The following CSE1L variants were observed in gnomAD, a reference collection of about 807,000 sequenced individuals.
CSE1L encodes exportin-2.
In CSE1L, 24 loss-of-function variants were observed where a neutral mutation model predicts 120.4. The observed-to-expected ratio is 0.20, with a 90% confidence interval of 0.14 to 0.28. The LOEUF is 0.28. Ranked by LOEUF, CSE1L falls within the 10% of genes least tolerant of loss-of-function variation. The pLI is 1.00. For missense variants in CSE1L, 830 were observed against 1,145.2 expected, an observed-to-expected ratio of 0.72 and a Z score of 3.97; for synonymous variants, 402 against 398.3, an observed-to-expected ratio of 1.01 and a Z score of -0.11.
At chr20:49,058,668 T>C in intron 2 of CSE1L, 120 bp downstream of exon 2, 1 of 714,934 alleles carries the variant, frequency 1.4e-6, no homozygotes, top group Non-Finnish European at 2.3e-6. Context: ...TTCTCAAGCG[T>C]AGTTTATAAG....
intron 1 of CSE1L, among the ~76,000 whole-genome samples, chr20:49,049,726 G>A (rs1194161015): frequency 1.3e-5 from 2 of 152,152 alleles, no homozygotes; most frequent in African/African-American, 4.8e-5. Flanking sequence ...TCTGCAAGGC[G>A]ATATAAAAAG....
At chr20:49,072,493 C>T (rs2091940088) in intron 9 of CSE1L, 40 bp downstream of exon 9, 6 of 1,607,812 alleles carry the variant, frequency 3.7e-6, no homozygotes, top group African/African-American at 1.3e-5. Flanking sequence ...AAGACATTCT[C>T]TCCCTATCTC....
chr20:49,092,637 C>G (rs1482186236), intron 22 of CSE1L, among the ~76,000 whole-genome samples: 1 of 151,658 alleles, frequency 6.6e-6, no homozygotes, highest in Non-Finnish European at 1.5e-5. Flanking sequence ...GAACATCACA[C>G]TCTGGGGCCT....
At position 49,063,329 on chromosome 20, in the gene CSE1L, A is replaced by G; in HGVS notation, c.213A>G (p.Lys71=). Reference sequence around the variant, plus strand: ...CAGTAACATTCAAAAACTATATTAAAAGGAACTGGAGAATTGTAAGTATTT... The same window carrying G: ...CAGTAACATTCAAAAACTATATTAAGAGGAACTGGAGAATTGTAAGTATTT... ...CASVTFKNYI[K]RNWRIVEDEP... Residue 71 remains lysine, a synonymous_variant, in exon 3 of 25, where the codon AAA becomes AAG. Transcript: ENST00000262982. 6.7e-7 allele frequency: 1 copy of G among 1,499,114 alleles called. No individual in the cohort carries two copies. Among genetic ancestry groups the G allele is most frequent in the Non-Finnish European group, 9.0e-7 (1 of 1,109,040 alleles). The allele number at this position is 1,499,114 out of a possible 1,614,324, so 92.9% of individuals were successfully genotyped here.
intron 22 of CSE1L, 117 bp from the exon 23 acceptor site, chr20:49,094,022 CA>C: frequency 4.1e-6 from 1 of 242,266 alleles, no homozygotes; most frequent in African/African-American, 4.1e-5. Flanking sequence ...TGATCAAAAA[CA>C]GCAGTCTTGT....
intron 24 of CSE1L, among the ~76,000 whole-genome samples, chr20:49,095,417 CAGG>C (rs1231580999): frequency 3.9e-5 from 6 of 152,016 alleles, no homozygotes; most frequent in Non-Finnish European, 8.8e-5. Flanking sequence ...CTCAACCTCC[CAGG>C]TTCAAGTGAT....
chr20:49,093,420 C>T (rs1043349643), intron 22 of CSE1L, among the ~76,000 whole-genome samples: 6 of 151,708 alleles, frequency 4.0e-5, no homozygotes, highest in African/African-American at 1.5e-4. Flanking sequence ...AATGATTGGC[C>T]GAATTATTTT....
chr20:49,092,140 T>G lies in CSE1L; in HGVS notation c.2447+13T>G. 1 of 1,448,278 alleles carries G rather than the reference T, an allele frequency of 6.9e-7. No individual in the cohort carries two copies. The highest frequency in any genetic ancestry group is 1.2e-5 in the South Asian group (1 of 81,380). The allele number at this position is 1,448,278 out of a possible 1,614,324, so 89.7% of individuals were successfully genotyped here. A position where few individuals can be genotyped will look rare whatever the true frequency, so the allele number is the denominator to read the frequency against. ...GTATACAACCAAAGTAAGTTTGTTTTTATTATTTTTTAAAGGAAGAAAATG... is the reference window on the plus strand; with the variant it reads ...GTATACAACCAAAGTAAGTTTGTTTGTATTATTTTTTAAAGGAAGAAAATG... On this transcript the variant is annotated intron_variant, in intron 22 of 24. Coordinates refer to ENST00000262982, the MANE Select transcript of CSE1L (RefSeq NM_001316.4).
At chr20:49,067,928 C>CTTTTTTTTTT (rs10567768) in intron 6 of CSE1L, among the ~76,000 whole-genome samples, 8 of 78,496 alleles carry the variant, frequency 1.0e-4, no homozygotes, top group Non-Finnish European at 1.8e-4. Context: ...TTCCCTCTCT[C>CTTTTTTTTTT]TTTTTTTTTT....
At chr20:49,065,047 CTTGGGAGGCTGCA>C (rs1250119560) in intron 3 of CSE1L, among the ~76,000 whole-genome samples, 1 of 150,052 alleles carries the variant, frequency 6.7e-6, no homozygotes, top group Admixed American at 6.7e-5. Flanking sequence ...ATCTGTGGTC[CTTGGGAGGCTGCA>C]GTGGGAGGGA....
At chr20:49,077,133 T>A in intron 13 of CSE1L, 69 bp downstream of exon 13, 1 of 792,416 alleles carries the variant, frequency 1.3e-6, no homozygotes, top group Non-Finnish European at 2.0e-6. Flanking sequence ...AACAGCTTCC[T>A]ATCCTTGTTC....
At chr20:49,087,828 C>T (rs557483133) in intron 16 of CSE1L, among the ~76,000 whole-genome samples, 181 bp from the exon 17 acceptor site, 212 of 152,084 alleles carry the variant, frequency 1.4e-3, no homozygotes, top group African/African-American at 4.8e-3. Flanking sequence ...GTTGCCAACC[C>T]GTCCTAATTT....
intron 2 of CSE1L, among the ~76,000 whole-genome samples, chr20:49,061,440 G>C (rs543123499): frequency 6.6e-6 from 1 of 151,400 alleles, no homozygotes; most frequent in Admixed American, 6.6e-5. Context: ...CCAAAGTGCT[G>C]GGATTACAGG....
At chr20:49,093,564 CTTTTTTTTTTTTTTTTCT>C (rs1222365219) in intron 22 of CSE1L, among the ~76,000 whole-genome samples, 4 of 117,562 alleles carry the variant, frequency 3.4e-5, no homozygotes, top group African/African-American at 9.6e-5. Context: ...GCTCCTCTCT[CTTTTTTTTTTTTTTTTCT>C]TTTTTTTTTT....
chr20:49,068,708 T>C lies in CSE1L; in HGVS notation c.568-7T>C. The C allele has an allele frequency of 6.2e-7, 1 of 1,605,822 alleles. No homozygotes were observed. The highest frequency in any genetic ancestry group is 8.5e-7 in the Non-Finnish European group (1 of 1,172,836). ...ACTAAAACCATGTTGCTAAATTCCT[T>C]TCCAAGGCCACTATTGAACTCTGCA... is the stretch of plus-strand genomic sequence containing the variant. On this transcript the variant is annotated splice_region_variant and splice_polypyrimidine_tract_variant and intron_variant, in intron 6 of 24. Coordinates refer to ENST00000262982, the MANE Select transcript of CSE1L (RefSeq NM_001316.4).
intron 1 of CSE1L, among the ~76,000 whole-genome samples, chr20:49,054,146 G>GAT (rs1455069055): frequency 1.3e-5 from 2 of 152,204 alleles, no homozygotes; most frequent in African/African-American, 4.8e-5. Flanking sequence ...CACACCTATA[G>GAT]AGTGGAACAC....
At chr20:49,052,585 T>C (rs1281163474) in intron 1 of CSE1L, among the ~76,000 whole-genome samples, 1 of 152,102 alleles carries the variant, frequency 6.6e-6, no homozygotes, top group Admixed American at 6.6e-5. Context: ...AGATACCAGA[T>C]TGCTTAGACC....
chr20:49,059,881 A>G (rs977914068), intron 2 of CSE1L, among the ~76,000 whole-genome samples: 3 of 150,042 alleles, frequency 2.0e-5, no homozygotes, highest in Non-Finnish European at 3.0e-5. Context: ...CGTAGTCCCA[A>G]AAAAAAAAAT....
chr20:49,083,441 TC>T (rs921936131), intron 14 of CSE1L, among the ~76,000 whole-genome samples: 4 of 152,088 alleles, frequency 2.6e-5, no homozygotes, highest in African/African-American at 7.2e-5. Context: ...TTTAATTTTT[TC>T]TTAATAGAGA....
Sources: gnomAD v4.1 joint callset for allele counts (sites outside exome capture counted in the v4.1 genomes callset) on GRCh38, gnomAD v4.1.1 for gene constraint, MANE v1.5 for transcripts, NCBI Gene and HGNC (gene_info 2026-07-23, HGNC 2026-07-21) for gene names.